NRXN1: variants seen among roughly 807,000 people sequenced by gnomAD.
NRXN1 encodes the protein neurexin-1.
NRXN1 carries 39 observed loss-of-function variants against 150.9 expected under a neutral mutation model. That is an observed-to-expected ratio of 0.26 (90% CI 0.20 to 0.34). The LOEUF is 0.34. NRXN1 is among the 10% of genes least tolerant of loss of function. The pLI is 1.00. For missense variants in NRXN1, 1,815 were observed against 1,949.9 expected, an observed-to-expected ratio of 0.93 and a Z score of 1.30; for synonymous variants, 924 against 757.0, an observed-to-expected ratio of 1.22 and a Z score of -3.62.
At chr2:50,448,677 T>G (rs980755970) in intron 17 of NRXN1, among the ~76,000 whole-genome samples, 1 of 152,186 alleles carries the variant, frequency 6.6e-6, no homozygotes, top group African/African-American at 2.4e-5. Context: ...GTGATACTTA[T>G]GTGCAGTGAT....
chr2:49,954,506 T>A lies in NRXN1; in HGVS notation c.4129-10715A>T, dbSNP rs890879955. ...ACCACTCTGTTAAAACTACAGCATA[T>A]AAATGAACAGATGAACAGGGAAAAA... On this transcript the variant is annotated intron_variant, in intron 21 of 22. Transcript: ENST00000401669. 2.6e-5 allele frequency among the ~76,000 whole-genome samples: 4 copies of A among 152,018 alleles called. No homozygotes were observed. The South Asian group carries it at 6.2e-4, about 24-fold the overall frequency.
chr2:50,642,802 G>C (rs1684260631), intron 5 of NRXN1, among the ~76,000 whole-genome samples: 1 of 151,906 alleles, frequency 6.6e-6, no homozygotes, highest in South Asian at 2.1e-4. Flanking sequence ...AATAGGGATG[G>C]GAATGGTCTA....
Position 50,039,121 on chromosome 2 carries a change from G to A in NRXN1, c.4128+14150C>T, listed in dbSNP as rs572729531. The stretch of plus-strand genomic sequence containing the variant: ...GAACCCAGGAGGCAGAGGTGGCGGT[G>A]AGCTGAGATTGCCCCACTGTACTCC... On this transcript the variant is annotated intron_variant, in intron 21 of 22. Coordinates refer to ENST00000401669, the MANE Select transcript of NRXN1 (RefSeq NM_001330078.2). Among the ~76,000 whole-genome samples, 4 of 152,178 alleles carry A rather than the reference G, an allele frequency of 2.6e-5. No homozygotes were observed. In the East Asian group the frequency reaches 7.8e-4, roughly 30 times the overall value.
intron 5 of NRXN1, among the ~76,000 whole-genome samples, chr2:50,650,791 T>C (rs1315334472): frequency 3.3e-5 from 5 of 152,100 alleles, no homozygotes; most frequent in African/African-American, 1.2e-4. Flanking sequence ...TGTTCTTAAC[T>C]GTTGACTTTT....
At chr2:50,691,775 G>A (rs1048841341) in intron 5 of NRXN1, among the ~76,000 whole-genome samples, 22 of 152,000 alleles carry the variant, frequency 1.4e-4, no homozygotes, top group African/African-American at 4.6e-4. Flanking sequence ...TAACAACCCC[G>A]AGGGCTGACT....
At chr2:50,062,700 G>A (rs1188861384) in intron 19 of NRXN1, among the ~76,000 whole-genome samples, 1 of 152,064 alleles carries the variant, frequency 6.6e-6, no homozygotes, top group African/African-American at 2.4e-5. Context: ...TAATCATATT[G>A]TTATAACTAT....
At chr2:50,820,915 T>C (rs936760568) in intron 5 of NRXN1, among the ~76,000 whole-genome samples, 46 of 152,280 alleles carry the variant, frequency 3.0e-4, no homozygotes, top group African/African-American at 8.7e-4. Context: ...GATAAACAAG[T>C]AAATTATTAA....
chr2:50,485,874 G>A (rs6721498), intron 15 of NRXN1, among the ~76,000 whole-genome samples: 77,370 of 152,094 alleles, frequency 0.51, 19,935 homozygotes, highest in Middle Eastern at 0.59. Flanking sequence ...AAAAGCTGTC[G>A]AAAGATAATT....
Position 50,329,578 on chromosome 2 carries a change from AGTGTGTGTGTGTGTGTGT to A in NRXN1, c.3365-92626_3365-92609del, listed in dbSNP as rs55865684. Reference sequence around the variant, plus strand: ...AGATTAAACTATCATATATAACAGTAGTGTGTGTGTGTGTGTGTGTGTGTGTGTGTGTGTGTGTGTATA... The same window carrying A: ...AGATTAAACTATCATATATAACAGTAGTGTGTGTGTGTGTGTGTGTGTATA... On this transcript the variant is annotated intron_variant, in intron 17 of 22. Transcript: ENST00000401669. Among the ~76,000 whole-genome samples the A allele has an allele frequency of 7.9e-3, 269 of 33,992 alleles. 8 individuals are homozygous for A. Among genetic ancestry groups the A allele is most frequent in the African/African-American group, 0.025 (261 of 10,652 alleles). The allele number at this position is 33,992 out of a possible 152,430, so 22.3% of individuals were successfully genotyped here.
At chr2:50,565,560 G>A (rs1669718903) in intron 8 of NRXN1, among the ~76,000 whole-genome samples, 2 of 152,116 alleles carry the variant, frequency 1.3e-5, no homozygotes, top group South Asian at 4.1e-4. Flanking sequence ...ATCCTGACAT[G>A]TCTTCTGAGT....
intron 18 of NRXN1, among the ~76,000 whole-genome samples, chr2:50,140,744 C>A (rs544579235): frequency 6.6e-6 from 1 of 151,228 alleles, no homozygotes; most frequent in South Asian, 2.1e-4. Context: ...CAACCAGTTT[C>A]GAATATTTTC....
chr2:50,747,143 C>A (rs879854188), intron 5 of NRXN1, among the ~76,000 whole-genome samples: 2 of 152,058 alleles, frequency 1.3e-5, no homozygotes, highest in Non-Finnish European at 2.9e-5. Flanking sequence ...GGCTTAGATA[C>A]ACACTCATAT....
intron 8 of NRXN1, among the ~76,000 whole-genome samples, chr2:50,567,310 A>G (rs1421207415): frequency 6.6e-6 from 1 of 152,204 alleles, no homozygotes; most frequent in African/African-American, 2.4e-5. Flanking sequence ...TTTGATGATT[A>G]CAGCCTCCTG....
intron 18 of NRXN1, among the ~76,000 whole-genome samples, chr2:50,182,045 G>T (rs1384696497): frequency 2.0e-5 from 3 of 149,920 alleles, no homozygotes; most frequent in African/African-American, 4.9e-5. Flanking sequence ...AAAAAAAAAT[G>T]CCTTCACATT....
chr2:50,804,480 G>A (rs1667252886), intron 5 of NRXN1, among the ~76,000 whole-genome samples: 1 of 152,164 alleles, frequency 6.6e-6, no homozygotes, highest in African/African-American at 2.4e-5. Flanking sequence ...GCCAAGATTT[G>A]AAGTTGAGTC....
intron 16 of NRXN1, among the ~76,000 whole-genome samples, chr2:50,466,177 A>C (rs1169500258): frequency 6.6e-6 from 1 of 151,844 alleles, no homozygotes; most frequent in East Asian, 1.9e-4. Context: ...AAAGAATGCT[A>C]GTCTATTTCT....
At chr2:50,480,256 A>G (rs7578902) in intron 15 of NRXN1, among the ~76,000 whole-genome samples, 78,883 of 152,060 alleles carry the variant, frequency 0.52, 20,772 homozygotes, top group Middle Eastern at 0.59. Flanking sequence ...AGAGGTGTAG[A>G]AACAGTTTGG....
chr2:50,768,066 T>C (rs1047452189), intron 5 of NRXN1, among the ~76,000 whole-genome samples: 1 of 152,210 alleles, frequency 6.6e-6, no homozygotes, highest in East Asian at 1.9e-4. Flanking sequence ...TAATTATAAA[T>C]AGGATTTCTA....
At chr2:50,159,431 C>G (rs952611746) in intron 18 of NRXN1, among the ~76,000 whole-genome samples, 1 of 151,916 alleles carries the variant, frequency 6.6e-6, no homozygotes, top group Non-Finnish European at 1.5e-5. Flanking sequence ...ATTTTTTGCT[C>G]CCCACAAAAC....
Sources: gnomAD v4.1 joint callset for allele counts (sites outside exome capture counted in the v4.1 genomes callset) on GRCh38, gnomAD v4.1.1 for gene constraint, MANE v1.5 for transcripts, NCBI Gene and HGNC (gene_info 2026-07-23, HGNC 2026-07-21) for gene names.